FYB2: variants seen among roughly 807,000 people sequenced by gnomAD.
FYB2 encodes FYN binding protein 2.
Under a neutral mutation model 94.1 loss-of-function variants are expected in FYB2, and 103 were observed. That is an observed-to-expected ratio of 1.09 (90% CI 0.93 to 1.29). The LOEUF is 1.29. Ranked by LOEUF, FYB2 falls within the 50% of genes most tolerant of loss-of-function variation. The probability of loss-of-function intolerance (pLI) is 0.00; values close to 1 mark genes in which losing one functional copy is unlikely to be tolerated. For synonymous variants in FYB2, 293 were observed against 287.9 expected, an observed-to-expected ratio of 1.02 and a Z score of -0.18; for missense variants, 896 against 841.5, an observed-to-expected ratio of 1.06 and a Z score of -0.80.
intron 17 of FYB2, among the ~76,000 whole-genome samples, chr1:56,723,355 AG>A (rs1644523834): frequency 6.6e-6 from 1 of 151,988 alleles, no homozygotes; most frequent in Non-Finnish European, 1.5e-5. Flanking sequence ...ACATTTGAAC[AG>A]AGCCTTCAAG....
intron 9 of FYB2, among the ~76,000 whole-genome samples, chr1:56,749,677 T>C (rs1645149966): frequency 6.6e-6 from 1 of 152,060 alleles, no homozygotes. Context: ...GTTCCACTGG[T>C]TTTCCCTCAC....
chr1:56,817,269 C>T lies in FYB2; in HGVS notation c.9+2013G>A, dbSNP rs183068502. ...TCCTTGAAACACCCACGACCTTCTGCCTCAGGGCGTTTATATCTGCTGTTA... is the reference window on the plus strand; with the variant it reads ...TCCTTGAAACACCCACGACCTTCTGTCTCAGGGCGTTTATATCTGCTGTTA... On this transcript the variant is annotated intron_variant, in intron 1 of 19. Transcript: ENST00000343433. 8.3e-4 allele frequency among the ~76,000 whole-genome samples: 127 copies of T among 152,324 alleles called. No individual in the cohort carries two copies. In the Middle Eastern group the frequency reaches 0.01, roughly 12 times the overall value.
intron 1 of FYB2, among the ~76,000 whole-genome samples, chr1:56,811,983 A>T (rs4998782): frequency 6.6e-6 from 1 of 151,902 alleles, no homozygotes; most frequent in Non-Finnish European, 1.5e-5. Flanking sequence ...CTTTGAGGTA[A>T]GCCATTGGCT....
At chr1:56,793,856 T>C (rs1247907548) in intron 1 of FYB2, among the ~76,000 whole-genome samples, 4 of 151,788 alleles carry the variant, frequency 2.6e-5, no homozygotes, top group Non-Finnish European at 5.9e-5. Flanking sequence ...CTTAATGCTA[T>C]GGTATGGAGA....
chr1:56,743,128 A>G (rs1482777839), intron 11 of FYB2, among the ~76,000 whole-genome samples: 1 of 152,116 alleles, frequency 6.6e-6, no homozygotes, highest in Non-Finnish European at 1.5e-5. Flanking sequence ...GTTATTAACT[A>G]TAATCACTGT....
intron 14 of FYB2, among the ~76,000 whole-genome samples, chr1:56,738,269 G>C (rs1644874009): frequency 6.6e-6 from 1 of 152,116 alleles, no homozygotes; most frequent in African/African-American, 2.4e-5. Flanking sequence ...TCAAAAGGCA[G>C]TATGGTAGAA....
chr1:56,783,742 T>G (rs747356841), intron 4 of FYB2, among the ~76,000 whole-genome samples: 3 of 152,166 alleles, frequency 2.0e-5, no homozygotes, highest in Non-Finnish European at 4.4e-5. Context: ...TGTACACTGC[T>G]ATATTTTCAA....
At chr1:56,816,739 T>C (rs909684495) in intron 1 of FYB2, among the ~76,000 whole-genome samples, 1 of 152,214 alleles carries the variant, frequency 6.6e-6, no homozygotes, top group Non-Finnish European at 1.5e-5. Context: ...CCCCTAAACA[T>C]ATTACGTCTA....
At chr1:56,824,441 C>T (rs573991862), upstream of FYB2, 2 of 152,318 alleles carry the variant, frequency 1.3e-5, no homozygotes, top group East Asian at 1.9e-4. Context: ...CACAAACATT[C>T]AAACCATAGC....
rs765794124 is a variant in FYB2 at position 56,757,675 on chromosome 1, T to TTTCCTTCC, written c.1098+1033_1098+1040dup. Reference sequence around the variant, plus strand: ...TTTCTTTCTTTTTCTTTCTTTCCTCTTTCCTTCCTTCCTTCTTTCTTTCTT... The same window carrying TTTCCTTCC: ...TTTCTTTCTTTTTCTTTCTTTCCTCTTTCCTTCCTTCCTTCCTTCCTTCTTTCTTTCTT... On this transcript the variant is annotated intron_variant, in intron 6 of 19. Transcript: ENST00000343433. 1.2e-3 allele frequency among the ~76,000 whole-genome samples: 116 copies of TTTCCTTCC among 99,010 alleles called. 3 individuals carry two copies. The highest frequency in any genetic ancestry group is 4.2e-3 in the African/African-American group (104 of 24,782). The allele number at this position is 99,010 out of a possible 152,430, so 65.0% of individuals were successfully genotyped here. A position where few individuals can be genotyped will look rare whatever the true frequency, so the allele number is the denominator to read the frequency against.
intron 8 of FYB2, 91 bp from the exon 9 acceptor site, chr1:56,751,294 T>C (rs1369950621): frequency 8.8e-6 from 11 of 1,243,946 alleles, no homozygotes; most frequent in Non-Finnish European, 1.1e-5. Flanking sequence ...TCATTCCTCA[T>C]GGATAACAAT....
intron 1 of FYB2, among the ~76,000 whole-genome samples, chr1:56,809,362 T>G (rs1646715599): frequency 6.6e-6 from 1 of 152,192 alleles, no homozygotes; most frequent in African/African-American, 2.4e-5. Flanking sequence ...CTCTGAATTT[T>G]TTTTTCTCTA....
intron 5 of FYB2, among the ~76,000 whole-genome samples, chr1:56,760,555 T>C (rs1645467800): frequency 6.6e-6 from 1 of 152,180 alleles, no homozygotes; most frequent in Admixed American, 6.5e-5. Flanking sequence ...CCAATATCCA[T>C]TCCTGATATG....
chr1:56,789,238 TCTC>T (rs1349644094), intron 2 of FYB2, 104 bp from the exon 3 acceptor site: 1 of 1,298,894 alleles, frequency 7.7e-7, no homozygotes, highest in Non-Finnish European at 1.0e-6. Flanking sequence ...TCCAATCTAT[TCTC>T]CACCCAACAG....
chr1:56,779,508 T>C (rs533593240), intron 4 of FYB2, among the ~76,000 whole-genome samples: 1 of 152,320 alleles, frequency 6.6e-6, no homozygotes, highest in Non-Finnish European at 1.5e-5. Flanking sequence ...AGTGCTCAGA[T>C]TGTCCTAATT....
chr1:56,755,870 C>A lies in FYB2; in HGVS notation c.1130+26G>T, dbSNP rs545931202. On this transcript the variant is annotated intron_variant, in intron 7 of 19. Coordinates refer to ENST00000343433, the MANE Select transcript of FYB2 (RefSeq NM_001004303.5). Reference sequence around the variant, plus strand: ...CAGAAAGTCAGTGCTTGGACAGGTGCTTTTCTTTTGAAAGATAAAACTCAC... The same window carrying A: ...CAGAAAGTCAGTGCTTGGACAGGTGATTTTCTTTTGAAAGATAAAACTCAC... 3.2e-6 allele frequency: 5 copies of A among 1,586,384 alleles called. No individual in the cohort carries two copies. The South Asian group carries it at 5.6e-5, about 18-fold the overall frequency.
intron 4 of FYB2, 21 bp from the exon 5 acceptor site, chr1:56,767,959 T>A: frequency 6.7e-7 from 1 of 1,494,998 alleles, no homozygotes; most frequent in Non-Finnish European, 9.1e-7. Flanking sequence ...AAGGGTTACT[T>A]AAAATGTAAC....
Position 56,819,363 on chromosome 1 carries a change from C to T in FYB2, c.-73G>A. On this transcript the variant is annotated 5_prime_UTR_variant, in exon 1 of 20. Transcript: ENST00000343433. Reference sequence around the variant, plus strand: ...GCTGGGTCCTGGGGCCAACAATCCGCTTTCCTCTGTCTCTGCTAGCCAGGG... The same window carrying T: ...GCTGGGTCCTGGGGCCAACAATCCGTTTTCCTCTGTCTCTGCTAGCCAGGG... 6.3e-7 allele frequency: 1 copy of T among 1,594,880 alleles called. No individual in the cohort carries two copies. The highest frequency in any genetic ancestry group is 1.7e-5 in the Admixed American group (1 of 59,930).
At chr1:56,719,784 A>AAT (rs772111128) in intron 19 of FYB2, 92 bp from the exon 20 acceptor site, 23 of 1,227,862 alleles carry the variant, frequency 1.9e-5, no homozygotes, top group Non-Finnish European at 2.7e-5. Context: ...GATCTAGTTT[A>AAT]ATATGTTTGT....
Sources: gnomAD v4.1 joint callset for allele counts (sites outside exome capture counted in the v4.1 genomes callset) on GRCh38, gnomAD v4.1.1 for gene constraint, MANE v1.5 for transcripts, NCBI Gene and HGNC (gene_info 2026-07-23, HGNC 2026-07-21) for gene names.